ASTL: variants seen among roughly 807,000 people sequenced by gnomAD.
The protein encoded by ASTL is astacin-like metalloendopeptidase.
Under a neutral mutation model 36.7 loss-of-function variants are expected in ASTL, and 27 were observed. The observed-to-expected ratio is 0.73, with a 90% confidence interval of 0.54 to 1.01. The LOEUF is 1.01. Ranked by LOEUF, ASTL falls within the 50% of genes least tolerant of loss-of-function variation. The pLI is 0.00. For missense variants in ASTL, 524 were observed against 572.8 expected (o/e 0.91, Z 0.87); for synonymous variants, 222 against 228.1 (o/e 0.97, Z 0.24).
At chr2:96,136,140 G>C (rs568259016) in intron 2 of ASTL, among the ~76,000 whole-genome samples, 14 of 152,354 alleles carry the variant, frequency 9.2e-5, no homozygotes, top group African/African-American at 3.4e-4. Context: ...GGGAGTGAGG[G>C]AAGCAGGAGA....
At chr2:96,137,319 C>A (rs576038933) in intron 2 of ASTL, among the ~76,000 whole-genome samples, 1 of 152,274 alleles carries the variant, frequency 6.6e-6, no homozygotes, top group African/African-American at 2.4e-5. Flanking sequence ...TAAGCAATTG[C>A]CCATAGAATT....
chr2:96,127,847 A>T (rs774268305), intron 8 of ASTL, among the ~76,000 whole-genome samples: 1 of 152,122 alleles, frequency 6.6e-6, no homozygotes, highest in Non-Finnish European at 1.5e-5. Flanking sequence ...AAGTGCTGTG[A>T]TTACAGGCAT....
chr2:96,126,130 C>T (rs1682059439), intron 8 of ASTL, among the ~76,000 whole-genome samples: 2 of 152,058 alleles, frequency 1.3e-5, no homozygotes, highest in Admixed American at 6.5e-5. Context: ...TAGGCAAAGG[C>T]GTCATAGACA....
intron 3 of ASTL, among the ~76,000 whole-genome samples, chr2:96,134,729 C>T (rs781024069): frequency 7.9e-5 from 12 of 152,220 alleles, no homozygotes; most frequent in Non-Finnish European, 1.8e-4. Context: ...GAGGCTGTGC[C>T]GTCAGTGGCA....
chr2:96,130,949 A>G (rs1000928559), intron 6 of ASTL, among the ~76,000 whole-genome samples: 1 of 151,140 alleles, frequency 6.6e-6, no homozygotes, highest in East Asian at 1.9e-4. Flanking sequence ...CTGAGTTCCC[A>G]CCTCCCCGCC....
intron 8 of ASTL, among the ~76,000 whole-genome samples, chr2:96,125,098 C>CAT (rs1410920816): frequency 1.3e-5 from 2 of 152,230 alleles, no homozygotes; most frequent in African/African-American, 4.8e-5. Flanking sequence ...CCAGACCCAG[C>CAT]ATCATCCTAC....
chr2:96,137,903 G>A, intron 1 of ASTL: 1 of 563,014 alleles, frequency 1.8e-6, no homozygotes, highest in Non-Finnish European at 3.2e-6. Flanking sequence ...CCTCAGGGAA[G>A]GAGCTCCCTT....
rs764030100 is a variant in ASTL, at chr2:96,132,506, G to A, written c.637+34C>T. On this transcript the variant is annotated intron_variant, in intron 6 of 8. Transcript: ENST00000342380. This position sits in a 1 kb window ranked among gnomAD's most constrained non-coding sequence, Gnocchi z 5.4. ...GCCCAAGCCGTGCTGTCCCCTCCCC[G>A]GCACCAGCCTGTCCTGCGTGTGGCC... 2.8e-5 allele frequency: 43 copies of A among 1,548,510 alleles called. No homozygotes were observed. The highest frequency in any genetic ancestry group is 1.4e-4 in the African/African-American group (10 of 73,788).
upstream of ASTL, chr2:96,138,510 GCAC>G: frequency 1.6e-6 from 2 of 1,283,536 alleles, no homozygotes; most frequent in South Asian, 1.3e-5. Context: ...TGCAGAACCG[GCAC>G]CACCACCCCC....
In ASTL at chr2:96,129,869, T is replaced by G. The variant is rs1657502; in HGVS notation, c.829A>C (p.Lys277Gln). ...CCACTTGGGCTGCAGCCGTAGAGTTTGAGGACCCGGGTGATGTCCGAGGCA... is the reference window on the plus strand; with the variant it reads ...CCACTTGGGCTGCAGCCGTAGAGTTGGAGGACCCGGGTGATGTCCGAGGCA... ...LSASDITRVL[K>Q]LYGCSPSGPR... The change falls in exon 8 of 9, where the codon AAA (lysine) becomes CAA (glutamine). Residue 277 changes from lysine (K) to glutamine (Q), a missense_variant. Transcript: ENST00000342380. 0.37 allele frequency: 594,236 copies of G among 1,594,978 alleles called. 114,785 individuals are homozygous for G. Among genetic ancestry groups the G allele is most frequent in the East Asian group, 0.58 (25,736 of 44,436 alleles).
At position 96,122,851 on chromosome 2, in the gene ASTL, C is replaced by A. The variant is rs1410810304; in HGVS notation, c.*999G>T. ...GCACACTCCACTTTATTTCCTCCCC[C>A]AACATGTGGGGCTCCTGCCCCTTCT... On this transcript the variant is annotated 3_prime_UTR_variant, in exon 9 of 9. Transcript: ENST00000342380. 6.6e-6 allele frequency among the ~76,000 whole-genome samples: 1 copy of A among 152,230 alleles called. No individual in the cohort carries two copies. The highest frequency in any genetic ancestry group is 1.5e-5 in the Non-Finnish European group (1 of 68,034).
At position 96,123,145 on chromosome 2, in the gene ASTL, G is replaced by A. The variant is rs1028217186; in HGVS notation, c.*705C>T. On this transcript the variant is annotated 3_prime_UTR_variant, in exon 9 of 9. Transcript: ENST00000342380. ...CAGCCCTTTCTCCTTCCAAGGCTGC[G>A]CCTGGCTGAGCTCCAGGGAATAGCG... Among the ~76,000 whole-genome samples, 6 of 152,236 alleles carry A rather than the reference G, an allele frequency of 3.9e-5. No individual in the cohort carries two copies. The highest frequency in any genetic ancestry group is 7.2e-5 in the African/African-American group (3 of 41,464).
chr2:96,137,001 C>A lies in ASTL; in HGVS notation c.181+574G>T, dbSNP rs970727082. 1.2e-4 allele frequency among the ~76,000 whole-genome samples: 19 copies of A among 152,292 alleles called. No individual in the cohort carries two copies. In the Middle Eastern group the frequency reaches 0.01, roughly 82 times the overall value. ...CTGGGACTACAGGCGCCCGCCACCACGCCCGGCTAATTTTTGTATTTTTGG... is the reference window on the plus strand; with the variant it reads ...CTGGGACTACAGGCGCCCGCCACCAAGCCCGGCTAATTTTTGTATTTTTGG... On this transcript the variant is annotated intron_variant, in intron 2 of 8. Coordinates refer to ENST00000342380, the MANE Select transcript of ASTL (RefSeq NM_001002036.4).
chr2:96,137,784 G>A (rs1682335292), intron 1 of ASTL, 84 bp from the exon 2 acceptor site: 1 of 1,383,692 alleles, frequency 7.2e-7, no homozygotes, highest in South Asian at 1.2e-5. Context: ...GTGGGTGTGG[G>A]GGATCAGACG....
In ASTL at chr2:96,130,029, G is replaced by A. The variant is rs556646524; in HGVS notation, c.719+35C>T. The A allele has an allele frequency of 5.6e-6, 9 of 1,613,540 alleles. No individual in the cohort carries two copies. The Admixed American group carries it at 6.7e-5, about 12-fold the overall frequency. Reference sequence around the variant, plus strand: ...GTCCAGATCACCACGGGAGAGGCTGGGGGAAGCAGAGGGAGAAGAAGGCAG... The same window carrying A: ...GTCCAGATCACCACGGGAGAGGCTGAGGGAAGCAGAGGGAGAAGAAGGCAG... On this transcript the variant is annotated intron_variant, in intron 7 of 8. Coordinates refer to ENST00000342380, the MANE Select transcript of ASTL (RefSeq NM_001002036.4).
At chr2:96,137,473 G>A in intron 2 of ASTL, 102 bp downstream of exon 2, 1 of 1,373,882 alleles carries the variant, frequency 7.3e-7, no homozygotes, top group Non-Finnish European at 1.0e-6. Context: ...GAGTAAGCTG[G>A]TCCATTTCCT....
chr2:96,133,376 G>A, intron 5 of ASTL, 49 bp downstream of exon 5: 3 of 1,260,944 alleles, frequency 2.4e-6, no homozygotes, highest in Non-Finnish European at 2.3e-6. Context: ...TTAATTCCGG[G>A]CTGAACGCAG....
intron 8 of ASTL, among the ~76,000 whole-genome samples, chr2:96,125,511 AC>A (rs1432547049): frequency 6.6e-6 from 1 of 151,030 alleles, no homozygotes; most frequent in African/African-American, 2.4e-5. Flanking sequence ...CGCTATATCC[AC>A]CCCTCTCCTC....
Position 96,132,712 on chromosome 2 carries a change from C to A in ASTL, c.465G>T (p.Ser155=), listed in dbSNP as rs78275861. 2.5e-6 allele frequency: 4 copies of A among 1,609,430 alleles called. No homozygotes were observed. Among genetic ancestry groups the A allele is most frequent in the Non-Finnish European group, 2.5e-6 (3 of 1,176,628 alleles). Residue 155 remains serine (S), a synonymous_variant, in exon 6 of 9, where the codon TCG becomes TCT. Transcript: ENST00000342380. This position sits in a 1 kb window ranked among gnomAD's most constrained non-coding sequence, Gnocchi z 5.4. The part of the protein sequence containing the change: ...ISIIPMYGCF[S]SVGRSGGMQV... ...GCATCCCTCCACTGCGCCCCACACT[C>A]GAGAAGCACCTGCAGGGTGATGAGA...
Sources: allele counts gnomAD v4.1 joint callset (sites outside exome capture counted in the v4.1 genomes callset), GRCh38; gene constraint gnomAD v4.1.1; non-coding constraint Gnocchi (gnomAD v3.1); transcripts MANE v1.5; gene names NCBI Gene and HGNC (gene_info 2026-07-23, HGNC 2026-07-21).